COLEC11: variants seen among roughly 807,000 people sequenced by gnomAD.
COLEC11 encodes the protein collectin-11.
COLEC11 carries 20 observed loss-of-function variants against 27.3 expected under a neutral mutation model. That is an observed-to-expected ratio of 0.73 (90% CI 0.51 to 1.06). The LOEUF (loss-of-function observed/expected upper bound fraction) is 1.06. Ranked by LOEUF, COLEC11 falls within the 50% of genes least tolerant of loss-of-function variation. The pLI is 0.00. For synonymous variants in COLEC11, 163 were observed against 154.7 expected, an observed-to-expected ratio of 1.05 and a Z score of -0.40; for missense variants, 310 against 383.0, an observed-to-expected ratio of 0.81 and a Z score of 1.59.
At position 3,597,947 on chromosome 2, in the gene COLEC11, T is replaced by G. The variant is rs545760224; in HGVS notation, c.-27+2779T>G. Among the ~76,000 whole-genome samples the G allele has an allele frequency of 5.7e-4, 87 of 152,274 alleles. 1 individual carries two copies. Among genetic ancestry groups the G allele is most frequent in the African/African-American group, 1.8e-3 (75 of 41,542 alleles). On this transcript the variant is annotated intron_variant, in intron 1 of 6. Transcript: ENST00000349077. ...TTTTATTTTATTTTATTTATTTCAT[T>G]TTTTTGAGACTGAGTCTCACTCTTA...
chr2:3,641,338 T>C lies in COLEC11; in HGVS notation c.328+1007T>C, dbSNP rs558601203. On this transcript the variant is annotated intron_variant, in intron 5 of 6. Coordinates refer to ENST00000349077, the MANE Select transcript of COLEC11 (RefSeq NM_024027.5). Reference sequence around the variant, plus strand: ...GTGAGTGCGCTGAGATCAGTGTCACTGACTGGCCGAGCAGCATCCGCTCAG... The same window carrying C: ...GTGAGTGCGCTGAGATCAGTGTCACCGACTGGCCGAGCAGCATCCGCTCAG... The C allele has an allele frequency of 3.1e-6, 4 of 1,302,734 alleles. No homozygotes were observed. The African/African-American group carries it at 6.1e-5, about 20-fold the overall frequency. The allele number at this position is 1,302,734 out of a possible 1,614,324, so 80.7% of individuals were successfully genotyped here. A position where few individuals can be genotyped will look rare whatever the true frequency, so the allele number is the denominator to read the frequency against.
At chr2:3,635,218 G>T (rs1353821910) in intron 3 of COLEC11, among the ~76,000 whole-genome samples, 1 of 151,660 alleles carries the variant, frequency 6.6e-6, no homozygotes, top group Non-Finnish European at 1.5e-5. Flanking sequence ...TTGGCACTCA[G>T]TGCCAGCTGT....
chr2:3,644,493 A>G lies in COLEC11; in HGVS notation c.*375A>G. On this transcript the variant is annotated 3_prime_UTR_variant, in exon 7 of 7. Coordinates refer to ENST00000349077, the MANE Select transcript of COLEC11 (RefSeq NM_024027.5). ...TGGGGTCTTGAATTACTACCTTTTA[A>G]TTTCTATATGGAAAAGAACTCACTT... The G allele has an allele frequency of 2.1e-6, 1 of 478,380 alleles. No homozygotes were observed. The highest frequency in any genetic ancestry group is 4.1e-6 in the Non-Finnish European group (1 of 243,946). The allele number at this position is 478,380 out of a possible 1,614,324, so 29.6% of individuals were successfully genotyped here. A position where few individuals can be genotyped will look rare whatever the true frequency, so the allele number is the denominator to read the frequency against.
rs1394759513 is a variant in COLEC11 at position 3,602,837 on chromosome 2, T to C, written c.-26-1478T>C. ...CACCCACCTGTCAGCGAGGCTTCCC[T>C]GGCAACCATCCTGAACAGCAGCATG... On this transcript the variant is annotated intron_variant, in intron 1 of 6. Transcript: ENST00000349077. The surrounding 1 kb of genome is among the most constrained non-coding windows in gnomAD (Gnocchi z 6.2). Among the ~76,000 whole-genome samples, 1 of 152,240 alleles carries C rather than the reference T, an allele frequency of 6.6e-6. No homozygotes were observed. The highest frequency in any genetic ancestry group is 1.5e-5 in the Non-Finnish European group (1 of 68,042).
chr2:3,643,502 C>T lies in COLEC11; in HGVS notation c.387C>T (p.Val129=), dbSNP rs768130296. Reference sequence around the variant, plus strand: ...CCATCGGGGAGATGGACAACCAGGTCTCTCAGCTGACCAGCGAGCTCAAGT... The same window carrying T: ...CCATCGGGGAGATGGACAACCAGGTTTCTCAGCTGACCAGCGAGCTCAAGT... The part of the protein sequence containing the change: ...RKAIGEMDNQ[V]SQLTSELKFI... The change falls in exon 6 of 7, where the codon GTC becomes GTT. Residue 129 remains valine, a synonymous_variant. Transcript: ENST00000349077. 2 of 1,613,926 alleles carry T rather than the reference C, an allele frequency of 1.2e-6. No homozygotes were observed.
chr2:3,599,335 G>A (rs1662065159), intron 1 of COLEC11, among the ~76,000 whole-genome samples: 1 of 152,250 alleles, frequency 6.6e-6, no homozygotes, highest in Non-Finnish European at 1.5e-5. Flanking sequence ...ACCACAGGAC[G>A]GCACTGAATG....
intron 2 of COLEC11, chr2:3,606,062 G>A: frequency 1.9e-6 from 3 of 1,547,892 alleles, no homozygotes; most frequent in Non-Finnish European, 2.6e-6. Flanking sequence ...CAGAAGTTTT[G>A]GTGAAAGTGG....
intron 3 of COLEC11, among the ~76,000 whole-genome samples, chr2:3,614,196 C>T (rs1283487975): frequency 3.3e-5 from 5 of 151,814 alleles, no homozygotes; most frequent in Admixed American, 2.6e-4. Flanking sequence ...AGGCTGGTCT[C>T]GAACTCCTGG....
At chr2:3,625,969 G>C (rs758556031) in intron 3 of COLEC11, 2 of 1,527,334 alleles carry the variant, frequency 1.3e-6, no homozygotes, top group South Asian at 2.2e-5. Flanking sequence ...TATTATCTGA[G>C]TTGTCAGGCA....
intron 1 of COLEC11, chr2:3,603,551 A>T: frequency 8.7e-7 from 1 of 1,147,774 alleles, no homozygotes. Context: ...TCCCGACTTT[A>T]GGTGATCTGC....
Position 3,613,375 on chromosome 2 carries a change from A to G in COLEC11, c.195A>G (p.Gly65=). The G allele has an allele frequency of 6.3e-7, 1 of 1,598,698 alleles. No homozygotes were observed. Among genetic ancestry groups the G allele is most frequent in the Non-Finnish European group, 8.5e-7 (1 of 1,172,720 alleles). Residue 65 remains glycine, a synonymous_variant, in exon 3 of 7, where the codon GGA becomes GGG. Coordinates refer to ENST00000349077, the MANE Select transcript of COLEC11 (RefSeq NM_024027.5). Reference sequence around the variant, plus strand: ...GGCCTGGAAGAGTCGGCCCCACGGGAGAAAAAGGTACCTGCAGCCCTGGGC... The same window carrying G: ...GGCCTGGAAGAGTCGGCCCCACGGGGGAAAAAGGTACCTGCAGCCCTGGGC... The part of the protein sequence containing the change: ...PGRPGRVGPT[G]EKGDMGDKGQ...
intron 3 of COLEC11, among the ~76,000 whole-genome samples, chr2:3,623,078 GT>G (rs1364313415): frequency 2.0e-5 from 3 of 152,094 alleles, no homozygotes; most frequent in African/African-American, 7.2e-5. Context: ...CTTATTGCCA[GT>G]TTTTTTCTTT....
intron 3 of COLEC11, among the ~76,000 whole-genome samples, chr2:3,619,828 G>A (rs1229129809): frequency 6.6e-6 from 1 of 152,186 alleles, no homozygotes; most frequent in Non-Finnish European, 1.5e-5. Flanking sequence ...GTTTCACCAT[G>A]TTGGCCAGGC....
chr2:3,605,827 G>GC (rs1662644460), intron 2 of COLEC11: 1 of 382,982 alleles, frequency 2.6e-6, no homozygotes, highest in Non-Finnish European at 4.8e-6. Context: ...CTCTCCCGGG[G>GC]CACAGGGTCC....
Position 3,613,338 on chromosome 2 carries a change from G to T in COLEC11, c.158G>T (p.Gly53Val). The T allele has an allele frequency of 6.2e-7, 1 of 1,610,606 alleles. No homozygotes were observed. The highest frequency in any genetic ancestry group is 8.5e-7 in the Non-Finnish European group (1 of 1,178,650). Reference protein sequence around the residue: ...KGDAGEKGDKGAPGRPGRVGP... With the variant: ...KGDAGEKGDKVAPGRPGRVGP... ...GATGCGGGAGAGAAGGGAGACAAAGGCGCCCCCGGACGGCCTGGAAGAGTC... is the reference window on the plus strand; with the variant it reads ...GATGCGGGAGAGAAGGGAGACAAAGTCGCCCCCGGACGGCCTGGAAGAGTC... Residue 53 changes from glycine (G) to valine (V), a missense_variant, in exon 3 of 7, where the codon GGC (glycine) becomes GTC (valine). Gly to Val is a moderately radical substitution (Grantham distance 109). Coordinates refer to ENST00000349077, the MANE Select transcript of COLEC11 (RefSeq NM_024027.5).
intron 3 of COLEC11, among the ~76,000 whole-genome samples, chr2:3,632,069 G>T (rs1444887074): frequency 1.3e-5 from 2 of 152,216 alleles, no homozygotes; most frequent in Non-Finnish European, 2.9e-5. Context: ...GTGCGCTCGC[G>T]CTCCTGCTCC....
At chr2:3,626,750 T>C (rs1014675245) in intron 3 of COLEC11, among the ~76,000 whole-genome samples, 2 of 152,222 alleles carry the variant, frequency 1.3e-5, no homozygotes, top group Non-Finnish European at 2.9e-5. Flanking sequence ...ATGGAATATG[T>C]TTACAAGGAC....
chr2:3,639,117 G>C (rs1205262609), intron 4 of COLEC11, among the ~76,000 whole-genome samples: 1 of 152,238 alleles, frequency 6.6e-6, no homozygotes, highest in Non-Finnish European at 1.5e-5. Context: ...GGGTTCACCT[G>C]TGTGGTAGCG....
intron 3 of COLEC11, among the ~76,000 whole-genome samples, chr2:3,614,559 A>G (rs1663510317): frequency 6.6e-6 from 1 of 152,056 alleles, no homozygotes; most frequent in Non-Finnish European, 1.5e-5. Flanking sequence ...TTTTTAAATC[A>G]GCTTTCCATT....
Sources: gnomAD v4.1 joint callset for allele counts (sites outside exome capture counted in the v4.1 genomes callset) on GRCh38, gnomAD v4.1.1 for gene constraint, Gnocchi (gnomAD v3.1) non-coding constraint, MANE v1.5 for transcripts, NCBI Gene and HGNC (gene_info 2026-07-23, HGNC 2026-07-21) for gene names.